Variants in FARS2 observed in about 807,000 individuals in gnomAD.
FARS2 encodes the protein phenylalanine--tRNA ligase, mitochondrial.
A neutral mutation model predicts 46.4 loss-of-function variants in FARS2; 40 were observed. The observed-to-expected ratio is 0.86, with a 90% CI of 0.67 to 1.12. The LOEUF (loss-of-function observed/expected upper bound fraction) is 1.12, where lower values mean the gene tolerates loss of function less well. FARS2 is among the 50% of genes most tolerant of loss of function. The probability of loss-of-function intolerance (pLI) is 0.00; values close to 1 mark genes in which losing one functional copy is unlikely to be tolerated. For missense variants in FARS2, 513 were observed against 567.9 expected (o/e 0.90, Z 0.98); for synonymous variants, 234 against 214.9 (o/e 1.09, Z -0.78).
intron 6 of FARS2, among the ~76,000 whole-genome samples, chr6:5,684,413 C>T (rs1757014314): frequency 6.6e-6 from 1 of 152,168 alleles, no homozygotes; most frequent in South Asian, 2.1e-4. Flanking sequence ...CCTTATGAAT[C>T]CCTGAGTATC....
chr6:5,335,110 A>G (rs1055957242), intron 1 of FARS2, among the ~76,000 whole-genome samples: 1 of 152,226 alleles, frequency 6.6e-6, no homozygotes, highest in Non-Finnish European at 1.5e-5. Context: ...CTGTGAAAGC[A>G]TTAGTTCCCT....
rs774652318 is a variant in FARS2, at chr6:5,368,562, G to C, written c.-9G>C. 4.4e-6 allele frequency: 7 copies of C among 1,596,846 alleles called. No homozygotes were observed. The highest frequency in any genetic ancestry group is 3.4e-5 in the Admixed American group (2 of 58,814). On this transcript the variant is annotated 5_prime_UTR_variant, in exon 2 of 7. Transcript: ENST00000274680. ...GTGCTCTTTCCAGAACCTGTGAGAA[G>C]TTTCTACAATGGTGGGCTCAGCTCT...
At chr6:5,266,388 A>C (rs898952939) in intron 1 of FARS2, among the ~76,000 whole-genome samples, 1 of 152,144 alleles carries the variant, frequency 6.6e-6, no homozygotes, top group Non-Finnish European at 1.5e-5. Flanking sequence ...GAAGCTGCCC[A>C]GGTGTGGTGG....
chr6:5,606,001 G>T lies in FARS2; in HGVS notation c.1066-7168G>T, dbSNP rs1774812489. On this transcript the variant is annotated intron_variant, in intron 5 of 6. Coordinates refer to ENST00000274680, the MANE Select transcript of FARS2 (RefSeq NM_006567.5). ...TGTTACTGAAGAATTCACCCAGAAT[G>T]CAGCACAGACACACACAGAATAAAA... 2.6e-5 allele frequency among the ~76,000 whole-genome samples: 4 copies of T among 152,146 alleles called. No individual in the cohort carries two copies. In the South Asian group the frequency reaches 8.3e-4, roughly 32 times the overall value.
intron 1 of FARS2, among the ~76,000 whole-genome samples, chr6:5,326,052 G>A (rs1166572705): frequency 6.6e-6 from 1 of 152,128 alleles, no homozygotes; most frequent in Non-Finnish European, 1.5e-5. Context: ...ACAATGTTTG[G>A]CAATGTGTGA....
At chr6:5,368,412 G>T in intron 1 of FARS2, 138 bp from the exon 2 acceptor site, 2 of 684,526 alleles carry the variant, frequency 2.9e-6, no homozygotes, top group Non-Finnish European at 2.5e-6. Flanking sequence ...TCTTTAATTG[G>T]CTCTTTCAGC....
intron 4 of FARS2, among the ~76,000 whole-genome samples, chr6:5,449,701 G>A (rs1317256802): frequency 6.6e-6 from 1 of 152,180 alleles, no homozygotes; most frequent in Non-Finnish European, 1.5e-5. Flanking sequence ...TTGTGTGTGT[G>A]TGTTTTGGAA....
chr6:5,318,511 T>C (rs955187940), intron 1 of FARS2, among the ~76,000 whole-genome samples: 2 of 151,510 alleles, frequency 1.3e-5, no homozygotes, highest in Non-Finnish European at 2.9e-5. Context: ...AGTGCCAGAG[T>C]CTCACTATGT....
chr6:5,640,692 C>G (rs1490824549), intron 6 of FARS2, among the ~76,000 whole-genome samples: 1 of 152,196 alleles, frequency 6.6e-6, no homozygotes, highest in Non-Finnish European at 1.5e-5. Context: ...CAAGTAGCCA[C>G]AAATTAACCT....
chr6:5,703,687 C>T (rs754973557), intron 6 of FARS2, among the ~76,000 whole-genome samples: 6 of 152,142 alleles, frequency 3.9e-5, no homozygotes, highest in Non-Finnish European at 7.3e-5. Flanking sequence ...ACCATCTTGG[C>T]CTGAGAGTCT....
At chr6:5,464,238 G>A (rs557511393) in intron 4 of FARS2, among the ~76,000 whole-genome samples, 1 of 152,346 alleles carries the variant, frequency 6.6e-6, no homozygotes, top group Admixed American at 6.5e-5. Context: ...TTGCCACCCA[G>A]CTGAGCTTGA....
At chr6:5,644,452 A>T (rs1007533406) in intron 6 of FARS2, among the ~76,000 whole-genome samples, 7 of 152,158 alleles carry the variant, frequency 4.6e-5, no homozygotes, top group Non-Finnish European at 4.4e-5. Flanking sequence ...AGCTCAAGCA[A>T]TCTGCCCACC....
Position 5,472,901 on chromosome 6 carries a change from A to G in FARS2, c.904+41729A>G, listed in dbSNP as rs116340215. Among the ~76,000 whole-genome samples, 358 of 152,336 alleles carry G rather than the reference A, an allele frequency of 2.4e-3. 1 individual carries two copies. Among genetic ancestry groups the G allele is most frequent in the African/African-American group, 8.3e-3 (347 of 41,570 alleles). On this transcript the variant is annotated intron_variant, in intron 4 of 6. Transcript: ENST00000274680. Reference sequence around the variant, plus strand: ...ACACCCCCGCAACTTTGTTAAATACAGAGAGCACACATTCAGTATATGTCA... The same window carrying G: ...ACACCCCCGCAACTTTGTTAAATACGGAGAGCACACATTCAGTATATGTCA...
At chr6:5,449,921 A>G (rs1197561096) in intron 4 of FARS2, among the ~76,000 whole-genome samples, 1 of 152,166 alleles carries the variant, frequency 6.6e-6, no homozygotes, top group Non-Finnish European at 1.5e-5. Flanking sequence ...TACATGTGGG[A>G]TTGATTCCAG....
At chr6:5,395,615 C>T (rs1281780678) in intron 2 of FARS2, among the ~76,000 whole-genome samples, 9 of 152,132 alleles carry the variant, frequency 5.9e-5, no homozygotes, top group African/African-American at 2.2e-4. Flanking sequence ...TATTAGTTCT[C>T]CTCTCCTTAT....
At chr6:5,420,604 TCTC>T (rs1762489487) in intron 3 of FARS2, among the ~76,000 whole-genome samples, 1 of 152,104 alleles carries the variant, frequency 6.6e-6, no homozygotes, top group South Asian at 2.1e-4. Flanking sequence ...TCCAGAATGA[TCTC>T]CTTCAACGCC....
At chr6:5,663,070 G>A (rs1477052950) in intron 6 of FARS2, among the ~76,000 whole-genome samples, 5 of 152,130 alleles carry the variant, frequency 3.3e-5, no homozygotes, top group African/African-American at 4.8e-5. Context: ...TATTGTTTTA[G>A]TCACATACAA....
At chr6:5,272,799 T>C (rs1312510605) in intron 1 of FARS2, among the ~76,000 whole-genome samples, 1 of 152,202 alleles carries the variant, frequency 6.6e-6, no homozygotes, top group East Asian at 1.9e-4. Flanking sequence ...TCAATGTCTC[T>C]GCATCCCTCC....
chr6:5,669,531 C>G (rs941761328), intron 6 of FARS2, among the ~76,000 whole-genome samples: 1 of 152,178 alleles, frequency 6.6e-6, no homozygotes, highest in South Asian at 2.1e-4. Flanking sequence ...CCACCGTATA[C>G]GTCAGCCCCC....
Sources: gnomAD v4.1 joint callset for allele counts (sites outside exome capture counted in the v4.1 genomes callset) on GRCh38, gnomAD v4.1.1 for gene constraint, MANE v1.5 for transcripts, NCBI Gene and HGNC (gene_info 2026-07-23, HGNC 2026-07-21) for gene names.